The following TENM2 variants were observed in gnomAD, a reference collection of about 807,000 sequenced individuals.
TENM2 encodes teneurin-2.
In TENM2, 52 loss-of-function variants were observed where a neutral mutation model predicts 245.2. That is an observed-to-expected ratio of 0.21 (90% CI 0.17 to 0.27). The LOEUF is 0.27. Ranked by LOEUF, TENM2 falls within the 10% of genes least tolerant of loss-of-function variation. The probability of loss-of-function intolerance (pLI) is 1.00; values close to 1 mark genes in which losing one functional copy is unlikely to be tolerated. For synonymous variants in TENM2, 1,363 were observed against 1,438.9 expected, an observed-to-expected ratio of 0.95 and a Z score of 1.19; for missense variants, 3,046 against 3,666.8, an observed-to-expected ratio of 0.83 and a Z score of 4.37.
At chr5:167,828,147 C>G (rs866866735) in intron 2 of TENM2, among the ~76,000 whole-genome samples, 3 of 152,138 alleles carry the variant, frequency 2.0e-5, no homozygotes, top group Non-Finnish European at 2.9e-5. Context: ...AGATTAGATC[C>G]CATTATCATC....
At chr5:167,705,552 A>G (rs928495090) in intron 2 of TENM2, among the ~76,000 whole-genome samples, 6 of 152,146 alleles carry the variant, frequency 3.9e-5, no homozygotes, top group South Asian at 2.1e-4. Flanking sequence ...GAGGGTGTAC[A>G]GTAAAGCTTT....
chr5:167,105,171 A>T, the TENM2 span, among the ~76,000 whole-genome samples: 1 of 152,208 alleles, frequency 6.6e-6, no homozygotes, highest in South Asian at 2.1e-4. Flanking sequence ...AAATGTTTGT[A>T]GCATACTGAT....
chr5:167,740,232 G>T (rs1761086586), intron 2 of TENM2, among the ~76,000 whole-genome samples: 1 of 152,050 alleles, frequency 6.6e-6, no homozygotes, highest in African/African-American at 2.4e-5. Flanking sequence ...TCCAGTTACT[G>T]CCTTCTCTTC....
At chr5:167,122,725 A>T in the TENM2 span, among the ~76,000 whole-genome samples, 2 of 152,150 alleles carry the variant, frequency 1.3e-5, no homozygotes. Flanking sequence ...TAGGGGGAGT[A>T]AGGGACTTTT....
chr5:167,433,674 A>T (rs1764378428), intron 2 of TENM2, among the ~76,000 whole-genome samples: 1 of 152,086 alleles, frequency 6.6e-6, no homozygotes, highest in African/African-American at 2.4e-5. Context: ...TATCAAGTAT[A>T]TAGTCTTTCT....
the TENM2 span, among the ~76,000 whole-genome samples, chr5:167,269,951 G>A: frequency 5.9e-5 from 9 of 152,092 alleles, no homozygotes; most frequent in African/African-American, 2.2e-4. Flanking sequence ...ACCTGAACAA[G>A]TAGTCAGATA....
At chr5:167,758,031 T>A (rs1415122075) in intron 2 of TENM2, among the ~76,000 whole-genome samples, 1 of 152,190 alleles carries the variant, frequency 6.6e-6, no homozygotes, top group Non-Finnish European at 1.5e-5. Flanking sequence ...AATACATAAG[T>A]GCAAAGTGAT....
chr5:167,562,775 G>A (rs890803736), intron 2 of TENM2, among the ~76,000 whole-genome samples: 4 of 152,036 alleles, frequency 2.6e-5, no homozygotes, highest in East Asian at 1.9e-4. Context: ...TGGCCAACAC[G>A]GTGAAACCCT....
chr5:168,008,120 G>C (rs1466753558), intron 5 of TENM2, among the ~76,000 whole-genome samples: 1 of 152,158 alleles, frequency 6.6e-6, no homozygotes, highest in African/African-American at 2.4e-5. Context: ...AAACTCCCAA[G>C]GGCTGGAATA....
the TENM2 span, among the ~76,000 whole-genome samples, chr5:167,179,371 T>C: frequency 2.0e-5 from 3 of 152,348 alleles, no homozygotes; most frequent in Admixed American, 2.0e-4. Flanking sequence ...GATTTATTTT[T>C]ATGTTTAATC....
chr5:167,744,872 TCCTAGGA>T (rs761188515), intron 2 of TENM2, among the ~76,000 whole-genome samples: 13 of 152,208 alleles, frequency 8.5e-5, no homozygotes, highest in Admixed American at 1.3e-4. Flanking sequence ...TTTAGTATCC[TCCTAGGA>T]CCTAGGACCT....
chr5:167,485,762 G>A (rs1467905960), intron 2 of TENM2, among the ~76,000 whole-genome samples: 2 of 152,122 alleles, frequency 1.3e-5, no homozygotes, highest in African/African-American at 4.8e-5. Context: ...AATGGAGGAT[G>A]GCAGAGGGTT....
At chr5:167,451,926 G>A (rs1037498811) in intron 2 of TENM2, among the ~76,000 whole-genome samples, 3 of 152,266 alleles carry the variant, frequency 2.0e-5, no homozygotes, top group Non-Finnish European at 2.9e-5. Context: ...TGGGATTACA[G>A]GCATGAGCCA....
chr5:167,965,939 C>T (rs1292225342), intron 4 of TENM2, among the ~76,000 whole-genome samples: 1 of 152,154 alleles, frequency 6.6e-6, no homozygotes, highest in Non-Finnish European at 1.5e-5. Flanking sequence ...TCTGTCTAGC[C>T]TGATGGCAAA....
chr5:168,197,971 TA>T (rs1220788047), intron 15 of TENM2, among the ~76,000 whole-genome samples: 1 of 152,176 alleles, frequency 6.6e-6, no homozygotes, highest in African/African-American at 2.4e-5. Context: ...AGTATCGTTA[TA>T]ATTACACTAT....
intron 2 of TENM2, among the ~76,000 whole-genome samples, chr5:167,696,013 G>A (rs1234232598): frequency 2.7e-5 from 4 of 149,084 alleles, no homozygotes; most frequent in Non-Finnish European, 4.4e-5. Flanking sequence ...CAGCCTGGGC[G>A]ACAGAGCAAG....
chr5:167,470,044 C>T (rs930116614), intron 2 of TENM2, among the ~76,000 whole-genome samples: 6 of 152,090 alleles, frequency 3.9e-5, no homozygotes, highest in Non-Finnish European at 8.8e-5. Context: ...CCTTTTATAT[C>T]CACAATAAAA....
At chr5:167,595,888 G>A (rs986595662) in intron 2 of TENM2, among the ~76,000 whole-genome samples, 7 of 152,128 alleles carry the variant, frequency 4.6e-5, no homozygotes, top group Non-Finnish European at 8.8e-5. Context: ...AATAAAGGAA[G>A]AAAAACTTCA....
intron 1 of TENM2, among the ~76,000 whole-genome samples, chr5:167,328,262 A>G (rs112133585): frequency 0.028 from 3,562 of 127,032 alleles, 146 homozygotes; most frequent in African/African-American, 0.1. Context: ...GCTGGAGTGC[A>G]GTGGTGCAAT....
Sources: allele counts gnomAD v4.1 joint callset (sites outside exome capture counted in the v4.1 genomes callset), GRCh38; gene constraint gnomAD v4.1.1; transcripts MANE v1.5; gene names NCBI Gene and HGNC (gene_info 2026-07-23, HGNC 2026-07-21).